The following CCDC7 variants were observed in gnomAD, a reference collection of about 807,000 sequenced individuals.
CCDC7 encodes coiled-coil domain containing 7.
A neutral mutation model predicts 196.9 loss-of-function variants in CCDC7; 183 were observed. The ratio of observed to expected loss-of-function variants is 0.93; its 90% confidence interval spans 0.82 to 1.05. The LOEUF is 1.05. Ranked by LOEUF, CCDC7 falls within the 50% of genes least tolerant of loss-of-function variation. CCDC7 has a pLI of 0.00. For missense variants in CCDC7, 1,540 were observed against 1,482.2 expected (o/e 1.04, Z -0.64); for synonymous variants, 525 against 484.6 (o/e 1.08, Z -1.10).
At chr10:32,456,168 CA>C in intron 2 of CCDC7, 82 bp from the exon 4 acceptor site, 2 of 1,287,020 alleles carry the variant, frequency 1.6e-6, no homozygotes, top group Non-Finnish European at 2.0e-6. Flanking sequence ...TAAAATTTTT[CA>C]AAAAGTAAAT....
At chr10:32,718,711 C>T (rs1417863892) in intron 25 of CCDC7, among the ~76,000 whole-genome samples, 1 of 152,122 alleles carries the variant, frequency 6.6e-6, no homozygotes, top group Non-Finnish European at 1.5e-5. Flanking sequence ...AAATCACAAG[C>T]ATTCCTATAC....
intron 18 of CCDC7, among the ~76,000 whole-genome samples, chr10:32,605,926 G>T (rs1191536124): frequency 6.6e-6 from 1 of 152,210 alleles, no homozygotes; most frequent in Admixed American, 6.5e-5. Context: ...AGCAAAAAGG[G>T]AGCCAGGTGC....
chr10:32,634,156 G>T (rs909409319), intron 18 of CCDC7, 98 bp from the exon 20 acceptor site: 1 of 450,714 alleles, frequency 2.2e-6, no homozygotes, highest in Non-Finnish European at 3.6e-6. Flanking sequence ...GAGAATGAGA[G>T]AAAATGCTGC....
At chr10:32,582,106 CTATA>C (rs6143863) in intron 16 of CCDC7, among the ~76,000 whole-genome samples, 2,545 of 103,642 alleles carry the variant, frequency 0.025, 118 homozygotes, top group African/African-American at 0.068. Context: ...ACTGTCAGCA[CTATA>C]TATATATATA....
chr10:32,503,990 T>A (rs2044465436), intron 9 of CCDC7, among the ~76,000 whole-genome samples: 1 of 151,916 alleles, frequency 6.6e-6, no homozygotes, highest in Non-Finnish European at 1.5e-5. Context: ...TTTACTGAGG[T>A]TATTTGGGCC....
intron 13 of CCDC7, chr10:32,544,557 T>C: frequency 4.0e-6 from 1 of 250,800 alleles, no homozygotes; most frequent in Non-Finnish European, 7.6e-6. Context: ...ATTACCATGG[T>C]TTAAACAACT....
chr10:32,703,191 C>T (rs987906868), intron 24 of CCDC7, among the ~76,000 whole-genome samples: 3 of 151,984 alleles, frequency 2.0e-5, no homozygotes, highest in African/African-American at 7.2e-5. Context: ...CCTTCAGGAG[C>T]TCTTTTAGGG....
chr10:32,468,517 T>A (rs1370894992), intron 5 of CCDC7, among the ~76,000 whole-genome samples: 1 of 152,212 alleles, frequency 6.6e-6, no homozygotes, highest in East Asian at 1.9e-4. Flanking sequence ...TAGGATTATG[T>A]TGTCTATAAA....
chr10:32,640,966 C>T (rs1441689729), intron 20 of CCDC7, among the ~76,000 whole-genome samples: 2 of 147,896 alleles, frequency 1.4e-5, no homozygotes, highest in Non-Finnish European at 3.0e-5. Flanking sequence ...TGCTGGTGCG[C>T]TGCACCCACT....
chr10:32,680,265 C>A, intron 21 of CCDC7, among the ~76,000 whole-genome samples: 1 of 152,002 alleles, frequency 6.6e-6, no homozygotes, highest in East Asian at 1.9e-4. Context: ...CTAACTGCAG[C>A]AATAAGTTAA....
At chr10:32,624,984 GTTTTTTTTTTT>G (rs35752534) in intron 18 of CCDC7, among the ~76,000 whole-genome samples, 1 of 51,660 alleles carries the variant, frequency 1.9e-5, no homozygotes, top group Non-Finnish European at 3.6e-5. Context: ...CTTTGCACAA[GTTTTTTTTTTT>G]TTTTTTTTTT....
intron 20 of CCDC7, among the ~76,000 whole-genome samples, chr10:32,639,633 T>G (rs1190204213): frequency 2.0e-5 from 3 of 151,324 alleles, no homozygotes; most frequent in Non-Finnish European, 4.4e-5. Flanking sequence ...TGTTCTGTTT[T>G]TTTTTTTTTT....
intron 8 of CCDC7, among the ~76,000 whole-genome samples, chr10:32,475,323 A>T (rs530261673): frequency 6.6e-6 from 1 of 152,164 alleles, no homozygotes; most frequent in East Asian, 1.9e-4. Context: ...CTTTATTTCC[A>T]TATGTACTGC....
upstream of CCDC7, among the ~76,000 whole-genome samples, chr10:32,447,262 G>C (rs2254200): frequency 0.8 from 122,201 of 152,038 alleles, 50,440 homozygotes; most frequent in Non-Finnish European, 0.9. Flanking sequence ...TCCAGTGTCA[G>C]CTTAGTCTTC....
chr10:32,487,765 G>T (rs1374750269), intron 8 of CCDC7, among the ~76,000 whole-genome samples: 1 of 152,232 alleles, frequency 6.6e-6, no homozygotes, highest in African/African-American at 2.4e-5. Context: ...GACCCTGTTT[G>T]CCTGGGTATC....
intron 32 of CCDC7, among the ~76,000 whole-genome samples, chr10:32,833,022 C>G (rs1022125039): frequency 6.6e-6 from 1 of 151,928 alleles, no homozygotes; most frequent in African/African-American, 2.4e-5. Flanking sequence ...GAACCAGAAA[C>G]TATAAACAAG....
chr10:32,491,755 A>C (rs1158351485), intron 8 of CCDC7, among the ~76,000 whole-genome samples, 167 bp from the exon 10 acceptor site: 1 of 152,140 alleles, frequency 6.6e-6, no homozygotes, highest in Non-Finnish European at 1.5e-5. Flanking sequence ...TGTTTAATAA[A>C]ATGGTAGCTA....
intron 18 of CCDC7, among the ~76,000 whole-genome samples, chr10:32,612,913 G>A (rs2062345073): frequency 6.6e-6 from 1 of 150,838 alleles, no homozygotes; most frequent in South Asian, 2.1e-4. Context: ...GCCAGGTTTT[G>A]GTACCAGGAT....
intron 28 of CCDC7, among the ~76,000 whole-genome samples, chr10:32,754,974 C>T (rs904510191): frequency 3.9e-5 from 6 of 152,148 alleles, no homozygotes; most frequent in African/African-American, 7.2e-5. Context: ...GATTATATCC[C>T]GCGCTGGCTT....
Sources: allele counts gnomAD v4.1 joint callset (sites outside exome capture counted in the v4.1 genomes callset), GRCh38; gene constraint gnomAD v4.1.1; transcripts MANE v1.5; gene names NCBI Gene and HGNC (gene_info 2026-07-23, HGNC 2026-07-21).